The following PDZD2 variants were observed in gnomAD, a reference collection of about 807,000 sequenced individuals.
PDZD2 encodes the protein PDZ domain containing 2.
A neutral mutation model predicts 220.7 loss-of-function variants in PDZD2; 90 were observed. That is an observed-to-expected ratio of 0.41 (90% confidence interval 0.34 to 0.49). The LOEUF (loss-of-function observed/expected upper bound fraction) is 0.49. PDZD2 is among the 20% of genes least tolerant of loss of function. The pLI is 0.28. For synonymous variants in PDZD2, 1,375 were observed against 1,450.5 expected (o/e 0.95, Z 1.18); for missense variants, 3,174 against 3,608.5 (o/e 0.88, Z 3.08).
intron 2 of PDZD2, among the ~76,000 whole-genome samples, chr5:31,927,531 C>A (rs1744906990): frequency 6.6e-6 from 1 of 152,026 alleles, no homozygotes. Context: ...TTACAGGTGC[C>A]TGCTACCACA....
intron 2 of PDZD2, among the ~76,000 whole-genome samples, chr5:31,896,484 T>C (rs1741582489): frequency 6.6e-6 from 1 of 152,032 alleles, no homozygotes. Flanking sequence ...TTTCCCCAGA[T>C]AGAATTCATC....
intron 2 of PDZD2, among the ~76,000 whole-genome samples, chr5:31,831,614 G>A (rs1756594570): frequency 6.6e-6 from 1 of 152,138 alleles, no homozygotes; most frequent in African/African-American, 2.4e-5. Flanking sequence ...TGGGCATGGT[G>A]GTGTGTGCCT....
Position 31,799,755 on chromosome 5 carries a change from G to C in PDZD2, c.476+31G>C, listed in dbSNP as rs1185076512. On this transcript the variant is annotated intron_variant, in intron 2 of 24. Transcript: ENST00000438447. ...TAGGGGGAATGCCTGCTGGCACAGG[G>C]GCTGGACACGGGAACCTGGTGGTTC... 4 of 1,443,918 alleles carry C rather than the reference G, an allele frequency of 2.8e-6. 1 individual carries two copies. The South Asian group carries it at 4.6e-5, about 17-fold the overall frequency. The allele number at this position is 1,443,918 out of a possible 1,614,324, so 89.4% of individuals were successfully genotyped here.
chr5:32,034,264 C>A (rs928689280), intron 6 of PDZD2, among the ~76,000 whole-genome samples: 1 of 152,020 alleles, frequency 6.6e-6, no homozygotes, highest in Non-Finnish European at 1.5e-5. Context: ...TTAGTAGGCA[C>A]CAAAGGCGGT....
intron 2 of PDZD2, among the ~76,000 whole-genome samples, chr5:31,894,182 G>A (rs905255431): frequency 4.6e-5 from 7 of 151,240 alleles, no homozygotes; most frequent in African/African-American, 1.7e-4. Context: ...CAAAGTGCTG[G>A]GGTTACAGAC....
At chr5:31,703,052 G>A (rs573151584) in intron 1 of PDZD2, among the ~76,000 whole-genome samples, 1 of 152,334 alleles carries the variant, frequency 6.6e-6, no homozygotes, top group East Asian at 1.9e-4. Flanking sequence ...CTGGTCACCA[G>A]CTGGTCTTCT....
At chr5:31,844,375 G>A (rs1757481021) in intron 2 of PDZD2, among the ~76,000 whole-genome samples, 1 of 152,190 alleles carries the variant, frequency 6.6e-6, no homozygotes, top group Non-Finnish European at 1.5e-5. Context: ...GGAAGCAGAT[G>A]TCCATCAGAG....
chr5:31,950,805 ACT>A (rs1264947251), intron 2 of PDZD2, among the ~76,000 whole-genome samples: 4 of 151,852 alleles, frequency 2.6e-5, no homozygotes, highest in African/African-American at 9.7e-5. Flanking sequence ...CATGATATAT[ACT>A]CTCTTCCTAT....
At chr5:31,714,466 G>C (rs62350664) in intron 1 of PDZD2, among the ~76,000 whole-genome samples, 4,327 of 152,306 alleles carry the variant, frequency 0.028, 85 homozygotes, top group Non-Finnish European at 0.045. Flanking sequence ...GTGTCATTGA[G>C]GAGGTAGGAG....
At chr5:31,949,118 A>T (rs1746944774) in intron 2 of PDZD2, among the ~76,000 whole-genome samples, 1 of 148,388 alleles carries the variant, frequency 6.7e-6, no homozygotes, top group Non-Finnish European at 1.5e-5. Context: ...AAAAAAAAAA[A>T]AAAAATAGTG....
intron 6 of PDZD2, among the ~76,000 whole-genome samples, chr5:32,013,500 G>C (rs1350385356): frequency 6.6e-6 from 1 of 151,904 alleles, no homozygotes; most frequent in Non-Finnish European, 1.5e-5. Flanking sequence ...TGTTTTATGA[G>C]TTTATTACTG....
At chr5:31,986,671 T>C (rs1750748419) in intron 3 of PDZD2, among the ~76,000 whole-genome samples, 1 of 152,110 alleles carries the variant, frequency 6.6e-6, no homozygotes, top group South Asian at 2.1e-4. Context: ...GGGGGGAATT[T>C]CATTCCATTT....
intron 2 of PDZD2, among the ~76,000 whole-genome samples, chr5:31,939,330 G>A (rs1448273787): frequency 1.3e-5 from 2 of 152,178 alleles, no homozygotes; most frequent in African/African-American, 2.4e-5. Context: ...CCTGATTTGC[G>A]TAACTGCTGA....
At chr5:31,710,674 G>C (rs1210735920) in intron 1 of PDZD2, among the ~76,000 whole-genome samples, 1 of 152,114 alleles carries the variant, frequency 6.6e-6, no homozygotes, top group Non-Finnish European at 1.5e-5. Context: ...AAAATTAGCT[G>C]GATGTGGTGG....
At chr5:31,724,582 A>C (rs1749007907) in intron 1 of PDZD2, among the ~76,000 whole-genome samples, 1 of 148,592 alleles carries the variant, frequency 6.7e-6, no homozygotes, top group East Asian at 2.0e-4. Flanking sequence ...AGCCTGGGCA[A>C]CAAGAGTGAA....
intron 2 of PDZD2, among the ~76,000 whole-genome samples, chr5:31,823,902 G>A (rs1020888673): frequency 2.0e-5 from 3 of 152,204 alleles, no homozygotes; most frequent in African/African-American, 7.2e-5. Context: ...CTGTGAACAT[G>A]TGTAAGGCGA....
intron 2 of PDZD2, among the ~76,000 whole-genome samples, chr5:31,866,000 T>A (rs1007417571): frequency 6.7e-6 from 1 of 149,402 alleles, no homozygotes; most frequent in Non-Finnish European, 1.5e-5. Flanking sequence ...TCTTGTTTTG[T>A]TCTTGATTTT....
chr5:32,062,877 G>A (rs1739821910), intron 14 of PDZD2, among the ~76,000 whole-genome samples: 1 of 152,096 alleles, frequency 6.6e-6, no homozygotes, highest in Non-Finnish European at 1.5e-5. Flanking sequence ...GAAAGTGGGA[G>A]TTCTTTCTTT....
chr5:31,646,475 G>A lies in PDZD2; in HGVS notation c.-361+7038G>A, dbSNP rs1272018939. Among the ~76,000 whole-genome samples the A allele has an allele frequency of 3.3e-5, 5 of 152,100 alleles. No individual in the cohort carries two copies. The highest frequency in any genetic ancestry group is 1.9e-4 in the East Asian group (1 of 5,182). ...AATCATACACTCTCTCCAAGAGCAC[G>A]AAGGTTTCTTTTTCTTTTTCTGTTT... On this transcript the variant is annotated intron_variant, in intron 1 of 24. Coordinates refer to ENST00000438447, the MANE Select transcript of PDZD2 (RefSeq NM_178140.4). This position sits in a 1 kb window ranked among gnomAD's most constrained non-coding sequence, Gnocchi z 4.7.
Sources: gnomAD v4.1 joint callset for allele counts (sites outside exome capture counted in the v4.1 genomes callset) on GRCh38, gnomAD v4.1.1 for gene constraint, Gnocchi (gnomAD v3.1) non-coding constraint, MANE v1.5 for transcripts, NCBI Gene and HGNC (gene_info 2026-07-23, HGNC 2026-07-21) for gene names.